FGF18: variants seen among roughly 807,000 people sequenced by gnomAD.
The protein encoded by FGF18 is fibroblast growth factor 18.
A neutral mutation model predicts 23.0 loss-of-function variants in FGF18; 5 were observed. The observed-to-expected ratio is 0.22, with a 90% CI of 0.11 to 0.46. FGF18 has a LOEUF of 0.46. FGF18 is among the 20% of genes least tolerant of loss of function. FGF18 has a pLI of 0.99. For synonymous variants in FGF18, 117 were observed against 118.9 expected, an observed-to-expected ratio of 0.98 and a Z score of 0.10; for missense variants, 180 against 291.6, an observed-to-expected ratio of 0.62 and a Z score of 2.79.
intron 2 of FGF18, among the ~76,000 whole-genome samples, chr5:171,427,362 C>T (rs896213777): frequency 1.3e-5 from 2 of 152,172 alleles, no homozygotes; most frequent in Non-Finnish European, 2.9e-5. Context: ...GTGTTAGGTA[C>T]GTAACATGCT....
At chr5:171,429,746 G>A (rs1257683214) in intron 2 of FGF18, among the ~76,000 whole-genome samples, 4 of 152,248 alleles carry the variant, frequency 2.6e-5, no homozygotes, top group African/African-American at 9.6e-5. Flanking sequence ...ATCAGAGGAT[G>A]AGGCCTGGGC....
intron 2 of FGF18, among the ~76,000 whole-genome samples, chr5:171,430,478 G>A (rs2113336928): frequency 6.6e-6 from 1 of 151,286 alleles, no homozygotes; most frequent in South Asian, 2.1e-4. Flanking sequence ...GCCTGATTAA[G>A]AAACAAAACT....
At chr5:171,423,063 G>A (rs1772040362) in intron 2 of FGF18, among the ~76,000 whole-genome samples, 1 of 152,178 alleles carries the variant, frequency 6.6e-6, no homozygotes, top group Non-Finnish European at 1.5e-5. Context: ...TCCAGTCTTA[G>A]CGGTGGAGTT....
intron 2 of FGF18, among the ~76,000 whole-genome samples, chr5:171,429,810 A>G (rs1041020971): frequency 2.6e-5 from 4 of 152,186 alleles, no homozygotes; most frequent in Non-Finnish European, 4.4e-5. Flanking sequence ...AGAAAGCTCA[A>G]GGGCCCCAGC....
chr5:171,432,667 C>T lies in FGF18; in HGVS notation c.70-3426C>T, dbSNP rs186293707. Among the ~76,000 whole-genome samples the T allele has an allele frequency of 2.2e-4, 34 of 152,270 alleles. No homozygotes were observed. The East Asian group carries it at 5.8e-3, about 26-fold the overall frequency. On this transcript the variant is annotated intron_variant, in intron 2 of 4. Coordinates refer to ENST00000274625, the MANE Select transcript of FGF18 (RefSeq NM_003862.3). ...CTGGTCTTGAACTCCTGGCCTCAAG[C>T]GATCCGCCCACCTCGGCCTTCCAAA...
At position 171,449,092 on chromosome 5, in the gene FGF18, C is replaced by T. The variant is rs1228695212; in HGVS notation, c.251-55C>T. 7 of 1,330,196 alleles carry T rather than the reference C, an allele frequency of 5.3e-6. 1 individual carries two copies. In the South Asian group the frequency reaches 7.1e-5, roughly 13 times the overall value. 82.4% of individuals were successfully genotyped at this position (1,330,196 alleles called of 1,614,324 possible). ...GGACCATGTCACTGAGCCTTTAGACCAAGCCATTGCCCCTGGTAATAAAAT... is the reference window on the plus strand; with the variant it reads ...GGACCATGTCACTGAGCCTTTAGACTAAGCCATTGCCCCTGGTAATAAAAT... On this transcript the variant is annotated intron_variant, in intron 3 of 4. Transcript: ENST00000274625.
At position 171,436,152 on chromosome 5, in the gene FGF18, T is replaced by G. The variant is rs771899019; in HGVS notation, c.129T>G (p.Ala43=). Residue 43 remains alanine (A), a synonymous_variant, in exon 3 of 5, where the codon GCT becomes GCG. Coordinates refer to ENST00000274625, the MANE Select transcript of FGF18 (RefSeq NM_003862.3). The surrounding 1 kb of genome is among the most constrained non-coding windows in gnomAD (Gnocchi z 4.4). ...TCCACGTGGAGAACCAGACGCGGGC[T>G]CGGGACGATGTGAGCCGTAAGCAGC... The part of the protein sequence containing the change: ...FRIHVENQTR[A]RDDVSRKQLR... The G allele has an allele frequency of 3.1e-6, 5 of 1,600,332 alleles. No homozygotes were observed. The highest frequency in any genetic ancestry group is 1.1e-5 in the South Asian group (1 of 89,526).
intron 4 of FGF18, among the ~76,000 whole-genome samples, chr5:171,454,771 C>T (rs971614253): frequency 7.9e-5 from 12 of 152,240 alleles, no homozygotes; most frequent in African/African-American, 1.2e-4. Flanking sequence ...GGCATCCGTC[C>T]GTAACGAGGA....
At chr5:171,432,738 T>C (rs1772199539) in intron 2 of FGF18, among the ~76,000 whole-genome samples, 1 of 152,198 alleles carries the variant, frequency 6.6e-6, no homozygotes, top group Non-Finnish European at 1.5e-5. Context: ...TAGCAGAGTG[T>C]CTGGAACAGG....
intron 3 of FGF18, among the ~76,000 whole-genome samples, chr5:171,438,364 AGT>A (rs1772285482): frequency 6.6e-6 from 1 of 151,804 alleles, no homozygotes; most frequent in Non-Finnish European, 1.5e-5. Context: ...GGCCTCCCAA[AGT>A]GCTGGGATTA....
At chr5:171,448,400 A>C (rs1388154485) in intron 3 of FGF18, among the ~76,000 whole-genome samples, 2 of 152,122 alleles carry the variant, frequency 1.3e-5, no homozygotes, top group African/African-American at 2.4e-5. Flanking sequence ...TGCTATGAAT[A>C]GGCAGGTTAA....
At chr5:171,427,288 C>T (rs767569796) in intron 2 of FGF18, among the ~76,000 whole-genome samples, 3 of 151,968 alleles carry the variant, frequency 2.0e-5, no homozygotes, top group Non-Finnish European at 4.4e-5. Context: ...GAGTAGCTAG[C>T]ACAATGGCAA....
rs372041114 is a variant in FGF18 at position 171,443,648 on chromosome 5, C to G, written c.251-5499C>G. On this transcript the variant is annotated intron_variant, in intron 3 of 4. Coordinates refer to ENST00000274625, the MANE Select transcript of FGF18 (RefSeq NM_003862.3). ...TACAGGCGTGAGCCACCGCGCCTGGCCTGTTATCATCATTCTTTAGTCATT... is the reference window on the plus strand; with the variant it reads ...TACAGGCGTGAGCCACCGCGCCTGGGCTGTTATCATCATTCTTTAGTCATT... Among the ~76,000 whole-genome samples, 3 of 152,012 alleles carry G rather than the reference C, an allele frequency of 2.0e-5. 1 individual carries two copies. In the South Asian group the frequency reaches 6.2e-4, roughly 32 times the overall value.
chr5:171,436,765 G>C lies in FGF18; in HGVS notation c.250+492G>C, dbSNP rs551392145. Reference sequence around the variant, plus strand: ...ATATGTGGCACTCATTAACACCTTGGGCCATGGTCCTGTTGACCTGCCCTT... The same window carrying C: ...ATATGTGGCACTCATTAACACCTTGCGCCATGGTCCTGTTGACCTGCCCTT... On this transcript the variant is annotated intron_variant, in intron 3 of 4. Transcript: ENST00000274625. This position sits in a 1 kb window ranked among gnomAD's most constrained non-coding sequence, Gnocchi z 4.4. Among the ~76,000 whole-genome samples, 67 of 152,274 alleles carry C rather than the reference G, an allele frequency of 4.4e-4. No individual in the cohort carries two copies. Among genetic ancestry groups the C allele is most frequent in the Non-Finnish European group, 5.6e-4 (38 of 68,016 alleles).
intron 2 of FGF18, among the ~76,000 whole-genome samples, chr5:171,435,626 G>A (rs1468634005): frequency 6.6e-6 from 1 of 152,016 alleles, no homozygotes; most frequent in Non-Finnish European, 1.5e-5. Flanking sequence ...GGCTTTCCAG[G>A]CCTCCTTCTT....
chr5:171,421,001 G>A (rs889277765), intron 2 of FGF18, among the ~76,000 whole-genome samples: 3 of 152,246 alleles, frequency 2.0e-5, no homozygotes, highest in Non-Finnish European at 4.4e-5. Context: ...TGCCCGCGAG[G>A]CCGCTCCCGG....
At chr5:171,438,079 G>A (rs1024256135) in intron 3 of FGF18, among the ~76,000 whole-genome samples, 1 of 151,444 alleles carries the variant, frequency 6.6e-6, no homozygotes, top group Non-Finnish European at 1.5e-5. Context: ...GGCTAACGCA[G>A]TGCTTCTTCT....
Position 171,449,388 on chromosome 5 carries a change from T to TGC in FGF18, c.357+136_357+137insCG, listed in dbSNP as rs1353655315. ...GTGTGTGTGTGTGTGTGTGTGTGTG[T>TGC]GTGTGTGTGTGTGAGAGAGAGAGAG... is the stretch of plus-strand genomic sequence containing the variant. On this transcript the variant is annotated intron_variant, in intron 4 of 4. Coordinates refer to ENST00000274625, the MANE Select transcript of FGF18 (RefSeq NM_003862.3). 254 of 513,066 alleles carry TGC rather than the reference T, an allele frequency of 5.0e-4. No individual in the cohort carries two copies. In the African/African-American group the frequency reaches 5.2e-3, roughly 10 times the overall value. The allele number at this position is 513,066 out of a possible 1,614,324, so 31.8% of individuals were successfully genotyped here. A position where few individuals can be genotyped will look rare whatever the true frequency, so the allele number is the denominator to read the frequency against.
chr5:171,455,458 G>A (rs566625173), intron 4 of FGF18, among the ~76,000 whole-genome samples: 11 of 152,292 alleles, frequency 7.2e-5, no homozygotes, highest in South Asian at 4.1e-4. Context: ...TGTTGTAAGC[G>A]ATAGAACACA....
Sources: gnomAD v4.1 joint callset for allele counts (sites outside exome capture counted in the v4.1 genomes callset) on GRCh38, gnomAD v4.1.1 for gene constraint, Gnocchi (gnomAD v3.1) non-coding constraint, MANE v1.5 for transcripts, NCBI Gene and HGNC (gene_info 2026-07-23, HGNC 2026-07-21) for gene names.